Variants in GNB1L observed in about 807,000 individuals in gnomAD.
The protein encoded by GNB1L is guanine nucleotide-binding protein subunit beta-like protein 1.
In GNB1L, 20 loss-of-function variants were observed where a neutral mutation model predicts 29.1. The ratio of observed to expected loss-of-function variants is 0.69; its 90% CI spans 0.48 to 1.00. The LOEUF is 1.00. Ranked by LOEUF, GNB1L falls within the 50% of genes least tolerant of loss-of-function variation. The probability of loss-of-function intolerance (pLI) is 0.00; values close to 1 mark genes in which losing one functional copy is unlikely to be tolerated. For synonymous variants in GNB1L, 193 were observed against 206.5 expected, an observed-to-expected ratio of 0.93 and a Z score of 0.56; for missense variants, 421 against 464.9, an observed-to-expected ratio of 0.91 and a Z score of 0.87.
intron 4 of GNB1L, among the ~76,000 whole-genome samples, chr22:19,813,598 G>T (rs1192777413): frequency 6.6e-6 from 1 of 152,208 alleles, no homozygotes; most frequent in Non-Finnish European, 1.5e-5. Context: ...TGAGGCATGA[G>T]AATTGTTTGA....
At chr22:19,820,295 C>T (rs1321313641) in intron 4 of GNB1L, among the ~76,000 whole-genome samples, 3 of 152,198 alleles carry the variant, frequency 2.0e-5, no homozygotes, top group African/African-American at 4.8e-5. Context: ...CACCAACTTG[C>T]GCCTGGGCTC....
At chr22:19,804,672 T>C (rs1266417111) in intron 6 of GNB1L, among the ~76,000 whole-genome samples, 2 of 151,142 alleles carry the variant, frequency 1.3e-5, no homozygotes. Context: ...TGATAAATTA[T>C]AACCTGACCC....
At chr22:19,846,748 G>C (rs1413316973) in intron 2 of GNB1L, 1 of 364,568 alleles carries the variant, frequency 2.7e-6, no homozygotes, top group Non-Finnish European at 3.8e-6. Flanking sequence ...GACACAGACA[G>C]GGACACGGCA....
intron 2 of GNB1L, among the ~76,000 whole-genome samples, chr22:19,836,592 CACAA>C (rs961639900): frequency 3.9e-5 from 6 of 152,106 alleles, no homozygotes; most frequent in East Asian, 1.9e-4. Context: ...AGAAGAAAAC[CACAA>C]ACAAACATAT....
intron 3 of GNB1L, 90 bp downstream of exon 3, chr22:19,821,138 G>T: frequency 1.5e-6 from 2 of 1,339,318 alleles, no homozygotes; most frequent in Non-Finnish European, 2.1e-6. Context: ...CCCTTGGCCA[G>T]CACCCTCAAA....
chr22:19,789,738 C>T (rs902537644), intron 7 of GNB1L, among the ~76,000 whole-genome samples: 3 of 150,848 alleles, frequency 2.0e-5, no homozygotes, highest in African/African-American at 4.9e-5. Context: ...CCCAACTACT[C>T]GGGAGGAGGA....
At chr22:19,850,406 AG>A in intron 2 of GNB1L, 8 of 990,556 alleles carry the variant, frequency 8.1e-6, no homozygotes, top group Non-Finnish European at 9.6e-6. Context: ...CGGAGTGAGC[AG>A]GGGATGGCAG....
rs867211423 is a variant in GNB1L, at chr22:19,818,577, G to A, written c.254+2021C>T. Among the ~76,000 whole-genome samples the A allele has an allele frequency of 7.2e-5, 11 of 152,328 alleles. No homozygotes were observed. The Middle Eastern group carries it at 0.01, about 141-fold the overall frequency. Reference sequence around the variant, plus strand: ...AGCCATCTCCCAGGTGGTAGGCACCGCGTGAGTCTAGCACAGACATGTTTT... The same window carrying A: ...AGCCATCTCCCAGGTGGTAGGCACCACGTGAGTCTAGCACAGACATGTTTT... On this transcript the variant is annotated intron_variant, in intron 4 of 7. Coordinates refer to ENST00000329517, the MANE Select transcript of GNB1L (RefSeq NM_053004.3).
chr22:19,805,057 C>T (rs1456875209), intron 6 of GNB1L, among the ~76,000 whole-genome samples: 1 of 152,216 alleles, frequency 6.6e-6, no homozygotes, highest in Non-Finnish European at 1.5e-5. Flanking sequence ...GACCCAGGCT[C>T]TGCTGCAGTC....
chr22:19,795,489 G>A (rs745320957), intron 7 of GNB1L, among the ~76,000 whole-genome samples: 1 of 152,162 alleles, frequency 6.6e-6, no homozygotes, highest in South Asian at 2.1e-4. Context: ...TGCACTCCCC[G>A]AGACACGCCA....
chr22:19,849,882 C>T, intron 2 of GNB1L: 1 of 985,480 alleles, frequency 1.0e-6, no homozygotes, highest in Non-Finnish European at 1.2e-6. Context: ...ACCTGCCTAT[C>T]CTGTGGTAAA....
intron 7 of GNB1L, chr22:19,792,525 C>T (rs1008335001): frequency 1.9e-6 from 3 of 1,543,564 alleles, no homozygotes; most frequent in Non-Finnish European, 2.7e-6. Flanking sequence ...GAAAGTGCCT[C>T]CTGCAATTAA....
At chr22:19,851,308 A>C in intron 2 of GNB1L, 1 of 1,614,002 alleles carries the variant, frequency 6.2e-7, no homozygotes, top group Non-Finnish European at 8.5e-7. Flanking sequence ...GACCTCCTGG[A>C]TGAGCTGGGT....
chr22:19,813,693 A>G (rs1937514866), intron 4 of GNB1L, among the ~76,000 whole-genome samples: 1 of 152,104 alleles, frequency 6.6e-6, no homozygotes, highest in Admixed American at 6.5e-5. Flanking sequence ...GTCTCAATAA[A>G]TAAATAAAAA....
intron 7 of GNB1L, among the ~76,000 whole-genome samples, chr22:19,789,668 G>C (rs909028764): frequency 1.3e-5 from 2 of 152,036 alleles, no homozygotes; most frequent in East Asian, 3.9e-4. Flanking sequence ...GGCCGTCGGG[G>C]TGCTGGCCTC....
intron 7 of GNB1L, among the ~76,000 whole-genome samples, chr22:19,791,391 G>T (rs1937251774): frequency 6.6e-6 from 1 of 152,226 alleles, no homozygotes; most frequent in Non-Finnish European, 1.5e-5. Flanking sequence ...AATACACAAG[G>T]CAACTGTTTA....
At chr22:19,806,400 C>T (rs1002856247) in intron 6 of GNB1L, among the ~76,000 whole-genome samples, 26 of 152,232 alleles carry the variant, frequency 1.7e-4, no homozygotes, top group African/African-American at 5.5e-4. Context: ...GTGAGCCCAC[C>T]GGAGCTTGCA....
chr22:19,828,199 C>T (rs930534365), intron 2 of GNB1L, among the ~76,000 whole-genome samples: 2 of 152,030 alleles, frequency 1.3e-5, no homozygotes, highest in African/African-American at 2.4e-5. Flanking sequence ...AATTCCAAAA[C>T]GCTAAAATTA....
At position 19,840,496 on chromosome 22, in the gene GNB1L, C is replaced by T. The variant is rs10427796; in HGVS notation, c.-21+13947G>A. On this transcript the variant is annotated intron_variant, in intron 2 of 7. Coordinates refer to ENST00000329517, the MANE Select transcript of GNB1L (RefSeq NM_053004.3). ...GCAGGGCTAGGTCATGCTGACCACACGTCCCACTGACATGATAGAAAATCC... is the reference window on the plus strand; with the variant it reads ...GCAGGGCTAGGTCATGCTGACCACATGTCCCACTGACATGATAGAAAATCC... Among the ~76,000 whole-genome samples, 506 of 152,310 alleles carry T rather than the reference C, an allele frequency of 3.3e-3. 2 individuals are homozygous for T. Among genetic ancestry groups the T allele is most frequent in the African/African-American group, 0.011 (466 of 41,566 alleles).
Sources: allele counts gnomAD v4.1 joint callset (sites outside exome capture counted in the v4.1 genomes callset), GRCh38; gene constraint gnomAD v4.1.1; transcripts MANE v1.5; gene names NCBI Gene and HGNC (gene_info 2026-07-23, HGNC 2026-07-21).